The following CAMSAP2 variants were observed in gnomAD, a reference collection of about 807,000 sequenced individuals.
CAMSAP2 encodes calmodulin regulated spectrin associated protein family member 2.
A neutral mutation model predicts 146.1 loss-of-function variants in CAMSAP2; 26 were observed. That is an observed-to-expected ratio of 0.18 (90% CI 0.13 to 0.25). The LOEUF is 0.25. CAMSAP2 is among the 10% of genes least tolerant of loss of function. The pLI is 1.00. For missense variants in CAMSAP2, 1,381 were observed against 1,759.3 expected (o/e 0.78, Z 3.85); for synonymous variants, 499 against 596.6 (o/e 0.84, Z 2.38).
At position 200,853,518 on chromosome 1, in the gene CAMSAP2, G is replaced by T. The variant is rs1294250170; in HGVS notation, c.3823+23G>T. The T allele has an allele frequency of 6.4e-7, 1 of 1,555,426 alleles. No homozygotes were observed. On this transcript the variant is annotated intron_variant, in intron 13 of 16. Coordinates refer to ENST00000358823, the MANE Select transcript of CAMSAP2 (RefSeq NM_203459.4). This position sits in a 1 kb window ranked among gnomAD's most constrained non-coding sequence, Gnocchi z 5.1. Reference sequence around the variant, plus strand: ...CAGGTAACATAGCTTATTATGAAGAGTCTGTTCATAAAAAACACCAGCTTG... The same window carrying T: ...CAGGTAACATAGCTTATTATGAAGATTCTGTTCATAAAAAACACCAGCTTG...
chr1:200,763,018 G>A (rs959594962), intron 2 of CAMSAP2, among the ~76,000 whole-genome samples: 29 of 152,108 alleles, frequency 1.9e-4, no homozygotes, highest in Middle Eastern at 6.8e-3. Flanking sequence ...TTGTGCCTCA[G>A]CCTCCCAAGT....
intron 7 of CAMSAP2, among the ~76,000 whole-genome samples, chr1:200,844,032 C>T (rs376058319): frequency 2.0e-5 from 3 of 151,840 alleles, no homozygotes; most frequent in South Asian, 4.2e-4. Context: ...CCACCACGCC[C>T]GGCTAATTTT....
In CAMSAP2 at chr1:200,832,426, G is replaced by A; in HGVS notation, c.787+85G>A. On this transcript the variant is annotated intron_variant, in intron 5 of 16. Transcript: ENST00000358823. The surrounding 1 kb of genome is among the most constrained non-coding windows in gnomAD (Gnocchi z 4.2). ...AGTATTATTTTGCACTCCAGCCTAG[G>A]TGACTGAGTGGGACCCTGTCTCAAA... 3 of 1,266,768 alleles carry A rather than the reference G, an allele frequency of 2.4e-6. No individual in the cohort carries two copies. Among genetic ancestry groups the A allele is most frequent in the East Asian group, 2.5e-5 (1 of 39,588 alleles). 78.5% of individuals were successfully genotyped at this position (1,266,768 alleles called of 1,614,324 possible).
chr1:200,803,327 T>G (rs1321695275), intron 2 of CAMSAP2, among the ~76,000 whole-genome samples: 37 of 152,198 alleles, frequency 2.4e-4, no homozygotes, highest in Admixed American at 2.4e-3. Flanking sequence ...ATTAAATTAA[T>G]ACAAATGCTG....
At position 200,780,971 on chromosome 1, in the gene CAMSAP2, G is replaced by C. The variant is rs186658211; in HGVS notation, c.399+19873G>C. Among the ~76,000 whole-genome samples the C allele has an allele frequency of 2.0e-3, 306 of 152,260 alleles. 1 individual carries two copies. The highest frequency in any genetic ancestry group is 7.1e-3 in the African/African-American group (295 of 41,560). On this transcript the variant is annotated intron_variant, in intron 2 of 16. Transcript: ENST00000358823. ...TCAAAACCTTGTGTGGTTCAGTTTC[G>C]TTTTCTTCTAATAAAACTAGCGCCA...
rs540847853 is a variant in CAMSAP2, at chr1:200,739,620, AGCG to A, written c.-187_-185del. 3.0e-3 allele frequency: 899 copies of A among 300,566 alleles called. No homozygotes were observed. Among genetic ancestry groups the A allele is most frequent in the Middle Eastern group, 6.9e-3 (7 of 1,016 alleles). The allele number at this position is 300,566 out of a possible 1,614,324, so 18.6% of individuals were successfully genotyped here. A position where few individuals can be genotyped will look rare whatever the true frequency, so the allele number is the denominator to read the frequency against. On this transcript the variant is annotated 5_prime_UTR_variant, in exon 1 of 17. Transcript: ENST00000358823. The surrounding 1 kb of genome is among the most constrained non-coding windows in gnomAD (Gnocchi z 4.8). ...GCGCCGCCACATTCCTATGCCCGGGAGCGGCGGCGGCGGCGGCGGCGGCTCCCG... is the reference window on the plus strand; with the variant it reads ...GCGCCGCCACATTCCTATGCCCGGGAGCGGCGGCGGCGGCGGCGGCTCCCG...
intron 1 of CAMSAP2, among the ~76,000 whole-genome samples, chr1:200,752,150 G>GA (rs533418412): frequency 1.1e-4 from 16 of 152,000 alleles, no homozygotes; most frequent in Non-Finnish European, 1.6e-4. Context: ...ACCGTTGGGG[G>GA]AAAAAAAGCA....
At chr1:200,789,626 A>G (rs1443102387) in intron 2 of CAMSAP2, among the ~76,000 whole-genome samples, 1 of 152,116 alleles carries the variant, frequency 6.6e-6, no homozygotes, top group African/African-American at 2.4e-5. Context: ...CTCCTTCAAT[A>G]TTATTTGCTA....
intron 2 of CAMSAP2, among the ~76,000 whole-genome samples, chr1:200,778,690 A>G (rs1665349102): frequency 6.6e-6 from 1 of 152,208 alleles, no homozygotes; most frequent in South Asian, 2.1e-4. Flanking sequence ...TGATTGAGAT[A>G]TAAATACTGT....
intron 4 of CAMSAP2, among the ~76,000 whole-genome samples, chr1:200,818,541 C>G (rs1197733651): frequency 6.6e-6 from 1 of 151,930 alleles, no homozygotes; most frequent in Non-Finnish European, 1.5e-5. Context: ...TATCCTTTTC[C>G]CCCCATTGTT....
At chr1:200,769,981 C>G (rs1255583857) in intron 2 of CAMSAP2, among the ~76,000 whole-genome samples, 1 of 152,144 alleles carries the variant, frequency 6.6e-6, no homozygotes, top group East Asian at 1.9e-4. Context: ...TAATGAAAGA[C>G]TATAACAAGG....
At chr1:200,759,252 C>A (rs1407994127) in intron 1 of CAMSAP2, among the ~76,000 whole-genome samples, 1 of 149,944 alleles carries the variant, frequency 6.7e-6, no homozygotes. Context: ...TTTTTTCTGA[C>A]TAAAATTCTG....
At chr1:200,785,339 G>A (rs1325391948) in intron 2 of CAMSAP2, among the ~76,000 whole-genome samples, 1 of 151,496 alleles carries the variant, frequency 6.6e-6, no homozygotes, top group Non-Finnish European at 1.5e-5. Context: ...TAAATGTGGG[G>A]CAGAATTCAC....
At chr1:200,840,665 G>A (rs1195818181) in intron 6 of CAMSAP2, among the ~76,000 whole-genome samples, 3 of 152,164 alleles carry the variant, frequency 2.0e-5, no homozygotes, top group African/African-American at 7.2e-5. Flanking sequence ...CCAAGAGAAC[G>A]CATGAGTTCT....
At chr1:200,796,661 GTT>G (rs974012758) in intron 2 of CAMSAP2, among the ~76,000 whole-genome samples, 1 of 145,262 alleles carries the variant, frequency 6.9e-6, no homozygotes, top group Non-Finnish European at 1.5e-5. Flanking sequence ...CAGAGCATAA[GTT>G]TTTTTTTGTC....
chr1:200,761,732 T>C (rs1664807839), intron 2 of CAMSAP2, among the ~76,000 whole-genome samples: 1 of 141,074 alleles, frequency 7.1e-6, no homozygotes, highest in Non-Finnish European at 1.5e-5. Flanking sequence ...CAAAACTCTG[T>C]CTCAAAAAAA....
intron 2 of CAMSAP2, among the ~76,000 whole-genome samples, chr1:200,801,339 C>T (rs2102128262): frequency 6.6e-6 from 1 of 151,624 alleles, no homozygotes; most frequent in East Asian, 1.9e-4. Context: ...ACGTAGAGAT[C>T]CGCTGTTAAT....
intron 4 of CAMSAP2, among the ~76,000 whole-genome samples, chr1:200,816,028 G>T (rs1299596049): frequency 6.6e-6 from 1 of 152,186 alleles, no homozygotes; most frequent in Non-Finnish European, 1.5e-5. Flanking sequence ...GGGTGCGATG[G>T]CTCACGCCTG....
intron 6 of CAMSAP2, among the ~76,000 whole-genome samples, chr1:200,833,970 C>G (rs1667110150): frequency 6.6e-6 from 1 of 152,108 alleles, no homozygotes; most frequent in Admixed American, 6.5e-5. Context: ...CTAATGTATG[C>G]TGTCAGATTG....
Sources: gnomAD v4.1 joint callset for allele counts (sites outside exome capture counted in the v4.1 genomes callset) on GRCh38, gnomAD v4.1.1 for gene constraint, Gnocchi (gnomAD v3.1) non-coding constraint, MANE v1.5 for transcripts, NCBI Gene and HGNC (gene_info 2026-07-23, HGNC 2026-07-21) for gene names.